Variants in FAM184A observed in about 807,000 individuals in gnomAD.
FAM184A encodes protein FAM184A.
Under a neutral mutation model 143.8 loss-of-function variants are expected in FAM184A, and 99 were observed. The observed-to-expected ratio is 0.69, with a 90% CI of 0.58 to 0.81. The LOEUF (loss-of-function observed/expected upper bound fraction) is 0.81, where lower values mean the gene tolerates loss of function less well. Among genes scored for constraint, FAM184A ranks in the 40% least tolerant of loss-of-function variants. FAM184A has a pLI of 0.00. For synonymous variants in FAM184A, 427 were observed against 446.4 expected, an observed-to-expected ratio of 0.96 and a Z score of 0.55; for missense variants, 1,217 against 1,310.5, an observed-to-expected ratio of 0.93 and a Z score of 1.10.
chr6:119,091,619 T>A (rs1294882645), intron 1 of FAM184A, among the ~76,000 whole-genome samples: 1 of 152,136 alleles, frequency 6.6e-6, no homozygotes, highest in Admixed American at 6.5e-5. Context: ...AAGCATTCTG[T>A]AAGCTGTCAG....
intron 3 of FAM184A, among the ~76,000 whole-genome samples, chr6:119,020,837 G>C (rs1407083463): frequency 1.3e-5 from 2 of 152,070 alleles, no homozygotes. Context: ...AACATAGCGA[G>C]ACCTCATCTC....
Position 118,974,553 on chromosome 6 carries a change from G to T in FAM184A, c.2790C>A (p.Asn930Lys). ...CATCCAACTCTTTTTCAAGTCTCTT[G>T]TTTAAATCTTGTTCATGCAACCTGT... The part of the protein sequence containing the change: ...QQIRLHEQDL[N>K]KRLEKELDVM... Residue 930 changes from asparagine (N) to lysine (K), a missense_variant, in exon 14 of 18, where the codon AAC (asparagine) becomes AAA (lysine). Transcript: ENST00000338891. The T allele has an allele frequency of 6.2e-7, 1 of 1,602,344 alleles. No individual in the cohort carries two copies. The highest frequency in any genetic ancestry group is 8.5e-7 in the Non-Finnish European group (1 of 1,175,578).
At chr6:119,035,913 C>T (rs1786096212) in intron 1 of FAM184A, among the ~76,000 whole-genome samples, 1 of 152,164 alleles carries the variant, frequency 6.6e-6, no homozygotes, top group African/African-American at 2.4e-5. Flanking sequence ...ATAGCCCGAC[C>T]ACCTTGGGCA....
chr6:119,105,528 C>A (rs1788755872), intron 1 of FAM184A, among the ~76,000 whole-genome samples: 1 of 152,144 alleles, frequency 6.6e-6, no homozygotes, highest in Admixed American at 6.5e-5. Flanking sequence ...GTCATGTTTC[C>A]TATTAAGCCT....
intron 1 of FAM184A, among the ~76,000 whole-genome samples, chr6:119,112,608 C>T (rs1229654583): frequency 6.6e-6 from 1 of 152,192 alleles, no homozygotes; most frequent in East Asian, 1.9e-4. Flanking sequence ...TCCACCCCCA[C>T]ACTTGCAATT....
chr6:118,960,248 A>G, intron 17 of FAM184A, 64 bp from the exon 18 acceptor site: 1 of 1,354,810 alleles, frequency 7.4e-7, no homozygotes, highest in Non-Finnish European at 1.0e-6. Flanking sequence ...TGAAGGCAAA[A>G]GCACATAAAA....
intron 7 of FAM184A, chr6:119,005,999 TCAGAATGTGA>T (rs773302037): frequency 1.0e-5 from 7 of 683,666 alleles, no homozygotes; most frequent in Admixed American, 1.9e-5. Context: ...TCCCAATACC[TCAGAATGTGA>T]CTTTATTTGG....
intron 14 of FAM184A, 103 bp downstream of exon 14, chr6:118,974,325 G>A: frequency 8.8e-7 from 1 of 1,135,926 alleles, no homozygotes; most frequent in Non-Finnish European, 1.2e-6. Context: ...TCTTTTTAAA[G>A]TATCCTTTTT....
rs184271303 is a variant in FAM184A at position 119,070,784 on chromosome 6, G to C, written c.159+7357C>G. On this transcript the variant is annotated intron_variant, in intron 1 of 17. Transcript: ENST00000338891. ...CTTAATGTCCTTTACATTCTGAAGT[G>C]GGCTGCAGGATAGAAACTTCCTGTG... is the stretch of plus-strand genomic sequence containing the variant. Among the ~76,000 whole-genome samples the C allele has an allele frequency of 8.9e-3, 1,350 of 152,084 alleles. 24 individuals are homozygous for C. The highest frequency in any genetic ancestry group is 0.054 in the Middle Eastern group (16 of 294).
At chr6:119,058,656 T>G (rs930668084) in intron 1 of FAM184A, among the ~76,000 whole-genome samples, 1 of 152,214 alleles carries the variant, frequency 6.6e-6, no homozygotes, top group African/African-American at 2.4e-5. Flanking sequence ...CTCCAGGTGC[T>G]GCCATGCTAT....
At chr6:119,092,686 A>C (rs1422365386) in intron 1 of FAM184A, among the ~76,000 whole-genome samples, 1 of 128,430 alleles carries the variant, frequency 7.8e-6, no homozygotes, top group African/African-American at 3.1e-5. Context: ...TGGAGAGTTA[A>C]TATATATATA....
At chr6:119,073,081 T>C (rs774054396) in intron 1 of FAM184A, among the ~76,000 whole-genome samples, 7 of 152,218 alleles carry the variant, frequency 4.6e-5, no homozygotes, top group Non-Finnish European at 5.9e-5. Flanking sequence ...AAACAAAGTA[T>C]ATTTATAAAC....
intron 3 of FAM184A, among the ~76,000 whole-genome samples, chr6:119,021,111 AAAAGTGAATCAG>A (rs988390504): frequency 1.3e-5 from 2 of 152,220 alleles, no homozygotes; most frequent in African/African-American, 4.8e-5. Context: ...CCCCAGACCT[AAAAGTGAATCAG>A]AAACTCTGAG....
In FAM184A at chr6:119,088,115, G is replaced by A. The variant is rs141015600; in HGVS notation, c.-202+60963C>T. On this transcript the variant is annotated intron_variant, in intron 1 of 16. Coordinates refer to the FAM184A transcript ENST00000352896. Reference sequence around the variant, plus strand: ...AGGGAATGGAGAATTATTGTTTAATGGGTATAGGGTTTCAACTGGGGAAGA... The same window carrying A: ...AGGGAATGGAGAATTATTGTTTAATAGGTATAGGGTTTCAACTGGGGAAGA... Among the ~76,000 whole-genome samples the A allele has an allele frequency of 9.0e-3, 1,375 of 152,266 alleles. 24 individuals are homozygous for A. The highest frequency in any genetic ancestry group is 0.054 in the Middle Eastern group (16 of 294).
chr6:119,000,099 G>A (rs1784699993), intron 9 of FAM184A, among the ~76,000 whole-genome samples: 1 of 152,056 alleles, frequency 6.6e-6, no homozygotes, highest in African/African-American at 2.4e-5. Context: ...GTGTCTCAAT[G>A]GTCTGTGCAT....
chr6:119,078,829 C>G (rs1265468407), upstream of FAM184A: 1 of 153,998 alleles, frequency 6.5e-6, no homozygotes, highest in Non-Finnish European at 1.4e-5. This position sits in a 1 kb window ranked among gnomAD's most constrained non-coding sequence, Gnocchi z 5.5. Flanking sequence ...CCGCCAGTCC[C>G]GCAGCCCCGC....
chr6:118,979,972 T>TG (rs1280805201), intron 10 of FAM184A, among the ~76,000 whole-genome samples, 166 bp downstream of exon 10: 1 of 151,858 alleles, frequency 6.6e-6, no homozygotes, highest in Non-Finnish European at 1.5e-5. Flanking sequence ...ATCACGAGTC[T>TG]AGGAAGTCGA....
intron 1 of FAM184A, among the ~76,000 whole-genome samples, chr6:119,123,256 G>T (rs1281441986): frequency 6.6e-6 from 1 of 152,008 alleles, no homozygotes; most frequent in African/African-American, 2.4e-5. Flanking sequence ...GGGCCTGGTG[G>T]TGTAGGCCTG....
At chr6:119,055,921 A>G (rs1786955921) in intron 1 of FAM184A, among the ~76,000 whole-genome samples, 1 of 151,100 alleles carries the variant, frequency 6.6e-6, no homozygotes, top group South Asian at 2.1e-4. Context: ...GGCCTTTATT[A>G]TATCTCTGCT....
Sources: gnomAD v4.1 joint callset for allele counts (sites outside exome capture counted in the v4.1 genomes callset) on GRCh38, gnomAD v4.1.1 for gene constraint, Gnocchi (gnomAD v3.1) non-coding constraint, MANE v1.5 for transcripts, NCBI Gene and HGNC (gene_info 2026-07-23, HGNC 2026-07-21) for gene names.